NKAIN2: variants seen among roughly 807,000 people sequenced by gnomAD.
NKAIN2 encodes sodium/potassium transporting ATPase interacting 2.
Under a neutral mutation model 32.6 loss-of-function variants are expected in NKAIN2, and 14 were observed. The ratio of observed to expected loss-of-function variants is 0.43; its 90% CI spans 0.28 to 0.67. NKAIN2 has a LOEUF of 0.67. Ranked by LOEUF, NKAIN2 falls within the 30% of genes least tolerant of loss-of-function variation. NKAIN2 has a pLI of 0.17. For missense variants in NKAIN2, 198 were observed against 258.3 expected, an observed-to-expected ratio of 0.77 and a Z score of 1.60; for synonymous variants, 80 against 87.2, an observed-to-expected ratio of 0.92 and a Z score of 0.46.
At chr6:123,840,353 A>G (rs1774818075) in intron 1 of NKAIN2, among the ~76,000 whole-genome samples, 1 of 152,086 alleles carries the variant, frequency 6.6e-6, no homozygotes, top group African/African-American at 2.4e-5. Flanking sequence ...TTATACAACC[A>G]TAGGGAAAAA....
chr6:124,646,570 A>C lies in NKAIN2; in HGVS notation c.274-11616A>C, dbSNP rs1173666220. ...GGCCCAAAGATGCTCTACAAGCTAA[A>C]TGAAAAACAGCAACAACAACAACAA... is the stretch of plus-strand genomic sequence containing the variant. On this transcript the variant is annotated intron_variant, in intron 3 of 6. Coordinates refer to ENST00000368417, the MANE Select transcript of NKAIN2 (RefSeq NM_001040214.3). Among the ~76,000 whole-genome samples, 3 of 152,200 alleles carry C rather than the reference A, an allele frequency of 2.0e-5. No homozygotes were observed. In the East Asian group the frequency reaches 5.8e-4, roughly 29 times the overall value.
chr6:123,872,074 A>G (rs1772918401), intron 1 of NKAIN2, among the ~76,000 whole-genome samples: 3 of 152,180 alleles, frequency 2.0e-5, no homozygotes, highest in Admixed American at 2.0e-4. Context: ...CTGTTCTGGT[A>G]GCATCACCAA....
chr6:124,156,286 G>A (rs188652710), intron 1 of NKAIN2, among the ~76,000 whole-genome samples: 28 of 152,208 alleles, frequency 1.8e-4, no homozygotes, highest in Admixed American at 1.7e-3. Flanking sequence ...GAGTAGAGGA[G>A]GTGGGCTTTA....
intron 1 of NKAIN2, among the ~76,000 whole-genome samples, chr6:123,871,473 T>C (rs1302217485): frequency 6.6e-6 from 1 of 152,184 alleles, no homozygotes; most frequent in Admixed American, 6.5e-5. Flanking sequence ...TTCATCACCG[T>C]CACCTCCTAG....
intron 1 of NKAIN2, among the ~76,000 whole-genome samples, chr6:123,854,412 T>C (rs1257245135): frequency 6.6e-6 from 1 of 152,186 alleles, no homozygotes; most frequent in Admixed American, 6.5e-5. Flanking sequence ...CTTTATCTTA[T>C]CTGTAGAGGA....
At chr6:124,605,631 T>C (rs886817088) in intron 3 of NKAIN2, among the ~76,000 whole-genome samples, 2 of 151,512 alleles carry the variant, frequency 1.3e-5, no homozygotes, top group African/African-American at 2.4e-5. Context: ...ATGGGGTATC[T>C]CCGCAGTATA....
At chr6:124,448,633 A>G (rs1775986506) in intron 3 of NKAIN2, among the ~76,000 whole-genome samples, 1 of 152,110 alleles carries the variant, frequency 6.6e-6, no homozygotes, top group Admixed American at 6.6e-5. Flanking sequence ...CACTAACCTT[A>G]ATGAATAGAA....
intron 3 of NKAIN2, among the ~76,000 whole-genome samples, chr6:124,634,186 A>G (rs1419476075): frequency 1.3e-5 from 2 of 152,202 alleles, no homozygotes; most frequent in African/African-American, 4.8e-5. Context: ...GTATAGACAC[A>G]AGAAACATAA....
chr6:124,450,617 A>G (rs1776066370), intron 3 of NKAIN2, among the ~76,000 whole-genome samples: 1 of 151,812 alleles, frequency 6.6e-6, no homozygotes, highest in Non-Finnish European at 1.5e-5. Flanking sequence ...ATTGAAAGAA[A>G]AGATACTTCC....
At chr6:124,174,922 G>A (rs560540559) in intron 1 of NKAIN2, among the ~76,000 whole-genome samples, 1 of 152,212 alleles carries the variant, frequency 6.6e-6, no homozygotes, top group African/African-American at 2.4e-5. Context: ...CCACTTAAAT[G>A]TCACCACTTT....
Position 124,658,334 on chromosome 6 carries a change from T to A in NKAIN2, c.422T>A (p.Leu141Gln). Reference protein sequence around the residue: ...HRYITVSGCLLEYQYIEVAHS... With the variant: ...HRYITVSGCLQEYQYIEVAHS... ...TACATCACGGTCTCAGGGTGTTTGC[T>A]GGAGTACCAGTACATAGAAGTGGCT... is the stretch of plus-strand genomic sequence containing the variant. The change falls in exon 4 of 7, where the codon CTG (leucine) becomes CAG (glutamine). Residue 141 changes from leucine to glutamine, a missense_variant. By Grantham distance (113) the Leu-to-Gln change is moderately radical (BLOSUM62 -2). Transcript: ENST00000368417. 6.2e-7 allele frequency: 1 copy of A among 1,614,158 alleles called. No homozygotes were observed. The highest frequency in any genetic ancestry group is 8.5e-7 in the Non-Finnish European group (1 of 1,180,016).
intron 3 of NKAIN2, among the ~76,000 whole-genome samples, chr6:124,426,891 C>T (rs1775005234): frequency 6.6e-6 from 1 of 152,160 alleles, no homozygotes; most frequent in African/African-American, 2.4e-5. Context: ...CTTCTCTTCT[C>T]TGCTGCCATG....
intron 5 of NKAIN2, among the ~76,000 whole-genome samples, chr6:124,793,684 A>T (rs886624563): frequency 2.6e-5 from 4 of 152,014 alleles, no homozygotes; most frequent in East Asian, 1.9e-4. Context: ...CTGCTCAAAA[A>T]AAAAAAAAAA....
intron 1 of NKAIN2, among the ~76,000 whole-genome samples, chr6:124,117,329 C>A (rs1309391627): frequency 6.6e-6 from 1 of 152,166 alleles, no homozygotes; most frequent in East Asian, 1.9e-4. Flanking sequence ...CCTAAATGAT[C>A]TGTTTGATTG....
chr6:124,355,412 CAG>C, intron 3 of NKAIN2, 65 bp downstream of exon 3: 1 of 879,832 alleles, frequency 1.1e-6, no homozygotes, highest in Non-Finnish European at 1.9e-6. Context: ...CTAAGTAAGG[CAG>C]AGTCTCATCC....
intron 1 of NKAIN2, among the ~76,000 whole-genome samples, chr6:123,850,353 A>ATATATATAT (rs1364265998): frequency 2.0e-5 from 2 of 101,666 alleles, no homozygotes; most frequent in African/African-American, 8.3e-5. Flanking sequence ...AAAAAAAAAA[A>ATATATATAT]AAATATATAT....
chr6:124,483,289 TAA>T (rs767614139), intron 3 of NKAIN2, among the ~76,000 whole-genome samples: 1 of 152,126 alleles, frequency 6.6e-6, no homozygotes, highest in Non-Finnish European at 1.5e-5. Context: ...CATGAAAGAA[TAA>T]GAGGCAAATA....
At position 124,687,423 on chromosome 6, in the gene NKAIN2, C is replaced by T. The variant is rs12202163; in HGVS notation, c.474+29037C>T. Among the ~76,000 whole-genome samples the T allele has an allele frequency of 8.5e-5, 2 of 23,508 alleles. 1 individual carries two copies. Among genetic ancestry groups the T allele is most frequent in the African/African-American group, 3.5e-4 (2 of 5,672 alleles). 15.4% of individuals were successfully genotyped at this position (23,508 alleles called of 152,430 possible). A position where few individuals can be genotyped will look rare whatever the true frequency, so the allele number is the denominator to read the frequency against. On this transcript the variant is annotated intron_variant, in intron 4 of 6. Transcript: ENST00000368417. ...TGTGTATGTATGGAATATATATATT[C>T]CATGTATACCATATACATACATGGT...
chr6:124,633,308 T>C (rs2114318202), intron 3 of NKAIN2, among the ~76,000 whole-genome samples: 1 of 152,320 alleles, frequency 6.6e-6, no homozygotes, highest in Non-Finnish European at 1.5e-5. Context: ...ATACACTAGG[T>C]AATGAATACA....
Sources: gnomAD v4.1 joint callset for allele counts (sites outside exome capture counted in the v4.1 genomes callset) on GRCh38, gnomAD v4.1.1 for gene constraint, MANE v1.5 for transcripts, NCBI Gene and HGNC (gene_info 2026-07-23, HGNC 2026-07-21) for gene names.